The following FBRSL1 variants were observed in gnomAD, a reference collection of about 807,000 sequenced individuals.
FBRSL1 encodes fibrosin-1-like protein.
In FBRSL1, 51 loss-of-function variants were observed where a neutral mutation model predicts 89.6. The ratio of observed to expected loss-of-function variants is 0.57; its 90% CI spans 0.45 to 0.72. The LOEUF (loss-of-function observed/expected upper bound fraction) is 0.72, where lower values mean the gene tolerates loss of function less well. FBRSL1 is among the 30% of genes least tolerant of loss of function. The pLI, the probability that FBRSL1 is intolerant of heterozygous loss-of-function variation, is 0.00. For missense variants in FBRSL1, 1,618 were observed against 1,451.8 expected, an observed-to-expected ratio of 1.11 and a Z score of -1.86; for synonymous variants, 779 against 681.1, an observed-to-expected ratio of 1.14 and a Z score of -2.24.
rs577051681 is a variant in FBRSL1 at position 132,533,432 on chromosome 12, A to C, written c.615+5444A>C. 2.5e-4 allele frequency among the ~76,000 whole-genome samples: 36 copies of C among 143,752 alleles called. 1 individual carries two copies. The highest frequency in any genetic ancestry group is 8.9e-4 in the African/African-American group (33 of 37,168). The allele number at this position is 143,752 out of a possible 152,430, so 94.3% of individuals were successfully genotyped here. On this transcript the variant is annotated intron_variant, in intron 4 of 18. Transcript: ENST00000680143. ...TCCTCCCGACCCAGCCTCTCCCTGT[A>C]GTCAGAGAGCCACAGTCTCCTCCCG... is the stretch of plus-strand genomic sequence containing the variant.
chr12:132,571,076 C>T lies in FBRSL1; in HGVS notation c.1222C>T (p.Leu408=). 3 of 1,347,826 alleles carry T rather than the reference C, an allele frequency of 2.2e-6. No individual in the cohort carries two copies. The highest frequency in any genetic ancestry group is 2.8e-5 in the East Asian group (1 of 36,256). 83.5% of individuals were successfully genotyped at this position (1,347,826 alleles called of 1,614,324 possible). A position where few individuals can be genotyped will look rare whatever the true frequency, so the allele number is the denominator to read the frequency against. The change falls in exon 9 of 19, where the codon CTG becomes TTG. Residue 408 remains leucine (L), a synonymous_variant. Coordinates refer to ENST00000680143, the MANE Select transcript of FBRSL1 (RefSeq NM_001367871.1). ...VLPGHPADAS[L]AVSFSQPIMY... The stretch of plus-strand genomic sequence containing the variant: ...TTCTCTCTTGCCTCTAGATGCCAGC[C>T]TGGCGGTCTCATTCAGCCAGCCAAT...
At position 132,490,694 on chromosome 12, in the gene FBRSL1, C is replaced by T; in HGVS notation, c.124C>T (p.Pro42Ser). Residue 42 changes from proline (P) to serine (S), a missense_variant, in exon 1 of 19, where the codon CCC becomes TCC. Transcript: ENST00000680143. Reference protein sequence around the residue: ...PSSGDEPEPSPGKENAGLRGA... With the variant: ...PSSGDEPEPSSGKENAGLRGA... ...GTCGGGCGACGAGCCCGAGCCCAGC[C>T]CCGGCAAGGAGAACGCGGGCCTCCG... 1 of 997,356 alleles carries T rather than the reference C, an allele frequency of 1.0e-6. No homozygotes were observed. The allele number at this position is 997,356 out of a possible 1,614,324, so 61.8% of individuals were successfully genotyped here. A position where few individuals can be genotyped will look rare whatever the true frequency, so the allele number is the denominator to read the frequency against.
intron 4 of FBRSL1, among the ~76,000 whole-genome samples, chr12:132,543,657 C>T (rs535137578): frequency 9.9e-5 from 15 of 152,132 alleles, no homozygotes; most frequent in Admixed American, 3.9e-4. Flanking sequence ...AAAGCCATGT[C>T]TCAAGGCCGT....
At chr12:132,571,553 C>G (rs934662174) in intron 9 of FBRSL1, 5 of 1,338,486 alleles carry the variant, frequency 3.7e-6, no homozygotes, top group South Asian at 1.8e-5. Context: ...TGGCAGGGGG[C>G]GGGGGCGGGC....
At chr12:132,538,050 C>T (rs865911985) in intron 4 of FBRSL1, among the ~76,000 whole-genome samples, 16 of 152,124 alleles carry the variant, frequency 1.1e-4, no homozygotes, top group Admixed American at 6.5e-4. Context: ...ATTGGGGGAA[C>T]GGGCTCACCC....
intron 5 of FBRSL1, chr12:132,553,162 A>G (rs1229219571): frequency 6.6e-6 from 1 of 152,554 alleles, no homozygotes; most frequent in Non-Finnish European, 1.5e-5. Flanking sequence ...CCTAGGGACA[A>G]AAGTGCAGGG....
At chr12:132,570,908 G>C (rs868713696) in intron 8 of FBRSL1, among the ~76,000 whole-genome samples, 160 bp from the exon 9 acceptor site, 32 of 152,304 alleles carry the variant, frequency 2.1e-4, no homozygotes, top group African/African-American at 6.5e-4. Context: ...GACCGCGAAG[G>C]CTTCCTCCCT....
intron 14 of FBRSL1, 100 bp from the exon 15 acceptor site, chr12:132,576,699 G>A (rs891368047): frequency 6.6e-5 from 90 of 1,358,678 alleles, no homozygotes; most frequent in Admixed American, 2.7e-4. Flanking sequence ...CCCCTTACTG[G>A]ACTGGCTCAC....
chr12:132,559,163 C>A (rs767616593), intron 5 of FBRSL1, among the ~76,000 whole-genome samples: 3 of 152,254 alleles, frequency 2.0e-5, no homozygotes, highest in Non-Finnish European at 2.9e-5. Flanking sequence ...GCTTCCTGTC[C>A]CTCCCGGCCA....
intron 6 of FBRSL1, among the ~76,000 whole-genome samples, chr12:132,569,436 C>T (rs763336045): frequency 6.6e-6 from 1 of 151,974 alleles, no homozygotes; most frequent in Non-Finnish European, 1.5e-5. Flanking sequence ...CAGCTGTGGG[C>T]GCTGCTGTTG....
intron 1 of FBRSL1, among the ~76,000 whole-genome samples, chr12:132,501,763 T>TGGCCACACAGCAGGGCC (rs1444101283): frequency 6.6e-6 from 1 of 152,096 alleles, no homozygotes; most frequent in Non-Finnish European, 1.5e-5. Context: ...CCAGCAGCGC[T>TGGCCACACAGCAGGGCC]GGCCACACAG....
At position 132,564,620 on chromosome 12, in the gene FBRSL1, C is replaced by T. The variant is rs1390566659; in HGVS notation, c.646-2861C>T. 2.3e-5 allele frequency among the ~76,000 whole-genome samples: 3 copies of T among 127,790 alleles called. 1 individual carries two copies. Among genetic ancestry groups the T allele is most frequent in the South Asian group, 5.5e-4 (2 of 3,612 alleles). 83.8% of individuals were successfully genotyped at this position (127,790 alleles called of 152,430 possible). ...ACGCCATTCTCCTGCCTCAGCCTCC[C>T]GAGTAGCTGGGACTACAGGCGCCCG... On this transcript the variant is annotated intron_variant, in intron 5 of 18. Transcript: ENST00000680143.
chr12:132,543,333 GC>G (rs1374790572), intron 4 of FBRSL1, among the ~76,000 whole-genome samples: 6 of 152,178 alleles, frequency 3.9e-5, no homozygotes, highest in Non-Finnish European at 7.4e-5. Context: ...AAGCAGTGGG[GC>G]CAGGACCTGC....
At chr12:132,577,940 C>T (rs987504479) in intron 15 of FBRSL1, among the ~76,000 whole-genome samples, 3 of 152,230 alleles carry the variant, frequency 2.0e-5, no homozygotes, top group Non-Finnish European at 2.9e-5. Context: ...CACATCCACG[C>T]GTGTACGCAC....
chr12:132,507,424 G>C, intron 1 of FBRSL1: 1 of 985,622 alleles, frequency 1.0e-6, no homozygotes, highest in Non-Finnish European at 1.2e-6. Context: ...TGGAGGTGGG[G>C]ACCCCAGAAC....
At chr12:132,527,426 C>G (rs1388056421) in intron 3 of FBRSL1, among the ~76,000 whole-genome samples, 1 of 152,200 alleles carries the variant, frequency 6.6e-6, no homozygotes, top group Non-Finnish European at 1.5e-5. Flanking sequence ...CTGGCTGGGC[C>G]CCTCAGGAGG....
intron 9 of FBRSL1, chr12:132,571,452 A>G: frequency 9.0e-6 from 14 of 1,550,220 alleles, no homozygotes; most frequent in African/African-American, 1.4e-5. Context: ...ACCAACACAC[A>G]CACCAGCACC....
chr12:132,553,398 G>A (rs1285233168), intron 5 of FBRSL1: 2 of 152,214 alleles, frequency 1.3e-5, no homozygotes, highest in Non-Finnish European at 2.9e-5. Context: ...TGGGTGGTTG[G>A]GTCCCCGAGA....
intron 1 of FBRSL1, among the ~76,000 whole-genome samples, chr12:132,503,649 C>T (rs985920678): frequency 1.3e-5 from 2 of 152,232 alleles, no homozygotes; most frequent in Non-Finnish European, 2.9e-5. Flanking sequence ...CAGCTTTTGA[C>T]CCAAGGCAGA....
Sources: allele counts gnomAD v4.1 joint callset (sites outside exome capture counted in the v4.1 genomes callset), GRCh38; gene constraint gnomAD v4.1.1; transcripts MANE v1.5; gene names NCBI Gene and HGNC (gene_info 2026-07-23, HGNC 2026-07-21).